PRICKLE1: variants seen among roughly 807,000 people sequenced by gnomAD.
PRICKLE1 encodes prickle-like protein 1.
In PRICKLE1, 14 loss-of-function variants were observed where a neutral mutation model predicts 70.2. The ratio of observed to expected loss-of-function variants is 0.20; its 90% CI spans 0.13 to 0.31. The LOEUF (loss-of-function observed/expected upper bound fraction) is 0.31, where lower values mean the gene tolerates loss of function less well. PRICKLE1 is among the 10% of genes least tolerant of loss of function. The probability of loss-of-function intolerance (pLI) is 1.00; values close to 1 mark genes in which losing one functional copy is unlikely to be tolerated. For synonymous variants in PRICKLE1, 357 were observed against 379.9 expected (o/e 0.94, Z 0.70); for missense variants, 821 against 1,026.2 (o/e 0.80, Z 2.73).
Position 42,531,043 on chromosome 12 carries a change from CTT to C in PRICKLE1, c.-49+58420_-49+58421del, listed in dbSNP as rs141334021. On this transcript the variant is annotated intron_variant, in intron 1 of 7. Coordinates refer to ENST00000345127, the MANE Select transcript of PRICKLE1 (RefSeq NM_153026.3). ...GCCCTATTGCTAAAGATGTTAAGGG[CTT>C]TTTTTTTTTTTTTTTTTTTTTGACG... is the stretch of plus-strand genomic sequence containing the variant. Among the ~76,000 whole-genome samples, 247 of 100,112 alleles carry C rather than the reference CTT, an allele frequency of 2.5e-3. 1 individual carries two copies. Among genetic ancestry groups the C allele is most frequent in the African/African-American group, 9.5e-3 (228 of 24,126 alleles). The allele number at this position is 100,112 out of a possible 152,430, so 65.7% of individuals were successfully genotyped here. A position where few individuals can be genotyped will look rare whatever the true frequency, so the allele number is the denominator to read the frequency against.
At position 42,529,684 on chromosome 12, in the gene PRICKLE1, C is replaced by T. The variant is rs202214204; in HGVS notation, c.-48-57120G>A. ...CCAAGGCAGGCAGATCACTTGAGACCAGGAGTTTGAGACCAGCCTGGCCAA... is the reference window on the plus strand; with the variant it reads ...CCAAGGCAGGCAGATCACTTGAGACTAGGAGTTTGAGACCAGCCTGGCCAA... On this transcript the variant is annotated intron_variant, in intron 1 of 7. Transcript: ENST00000345127. Among the ~76,000 whole-genome samples the T allele has an allele frequency of 2.0e-5, 3 of 152,170 alleles. No homozygotes were observed. The East Asian group carries it at 5.8e-4, about 30-fold the overall frequency.
intron 1 of PRICKLE1, among the ~76,000 whole-genome samples, chr12:42,492,127 G>C (rs978170851): frequency 6.6e-6 from 1 of 151,808 alleles, no homozygotes; most frequent in African/African-American, 2.4e-5. Flanking sequence ...TCAGAGACAG[G>C]GTCTTGCTCT....
At chr12:42,542,336 A>C (rs962279208) in intron 1 of PRICKLE1, among the ~76,000 whole-genome samples, 2 of 152,008 alleles carry the variant, frequency 1.3e-5, no homozygotes, top group Non-Finnish European at 2.9e-5. Flanking sequence ...TCTATATTCA[A>C]TATTCTCAAT....
intron 1 of PRICKLE1, among the ~76,000 whole-genome samples, chr12:42,491,229 A>G (rs938064355): frequency 6.6e-6 from 1 of 151,896 alleles, no homozygotes; most frequent in African/African-American, 2.4e-5. Flanking sequence ...TAGAGTATTT[A>G]AAAATATTAC....
chr12:42,468,608 G>A lies in PRICKLE1; in HGVS notation c.588+18C>T, dbSNP rs777295798. ...TAAGCTTATTTTTCCCAGTGTGAAAGGATGAACTTTTTTTTACCTCGTCAC... is the reference window on the plus strand; with the variant it reads ...TAAGCTTATTTTTCCCAGTGTGAAAAGATGAACTTTTTTTTACCTCGTCAC... On this transcript the variant is annotated intron_variant, in intron 5 of 7. Transcript: ENST00000345127. 57 of 1,611,206 alleles carry A rather than the reference G, an allele frequency of 3.5e-5. No homozygotes were observed. Among genetic ancestry groups the A allele is most frequent in the African/African-American group, 6.7e-5 (5 of 74,842 alleles).
intron 1 of PRICKLE1, among the ~76,000 whole-genome samples, chr12:42,578,372 TTCTACC>T (rs1177650232): frequency 6.6e-6 from 1 of 152,066 alleles, no homozygotes; most frequent in Non-Finnish European, 1.5e-5. Context: ...TCTCTGAAGA[TTCTACC>T]TCTATTTTTT....
intron 1 of PRICKLE1, among the ~76,000 whole-genome samples, chr12:42,572,520 A>C (rs773893335): frequency 1.3e-5 from 2 of 152,120 alleles, no homozygotes; most frequent in Non-Finnish European, 2.9e-5. Flanking sequence ...CACATTTTGA[A>C]AAACCTGAGA....
intron 3 of PRICKLE1, 36 bp downstream of exon 3, chr12:42,470,210 T>A (rs1183071432): frequency 6.9e-7 from 1 of 1,441,602 alleles, no homozygotes. Flanking sequence ...CATTTTTTCT[T>A]CTTTTTTCTA....
In PRICKLE1 at chr12:42,469,730, C is replaced by T. The variant is rs1196448198; in HGVS notation, c.247-143G>A. The T allele has an allele frequency of 2.0e-5, 20 of 996,742 alleles. 2 individuals are homozygous for T. Among genetic ancestry groups the T allele is most frequent in the South Asian group, 1.7e-4 (12 of 72,046 alleles). The allele number at this position is 996,742 out of a possible 1,614,324, so 61.7% of individuals were successfully genotyped here. A position where few individuals can be genotyped will look rare whatever the true frequency, so the allele number is the denominator to read the frequency against. On this transcript the variant is annotated intron_variant, in intron 3 of 7. Coordinates refer to ENST00000345127, the MANE Select transcript of PRICKLE1 (RefSeq NM_153026.3). ...CACCCCCACGATTTTAAAATGACACCATATCTGAATTTTACAGCCTCTCTA... is the reference window on the plus strand; with the variant it reads ...CACCCCCACGATTTTAAAATGACACTATATCTGAATTTTACAGCCTCTCTA...
At position 42,477,312 on chromosome 12, in the gene PRICKLE1, C is replaced by T. The variant is rs187679938; in HGVS notation, c.-48-4748G>A. On this transcript the variant is annotated intron_variant, in intron 1 of 7. Transcript: ENST00000345127. ...ACTTGAAGCCAGGAGGCAGAGGTTG[C>T]GGTGAGCCGAGATCACACCATTGCA... Among the ~76,000 whole-genome samples the T allele has an allele frequency of 4.4e-4, 66 of 151,240 alleles. 2 individuals are homozygous for T. Among genetic ancestry groups the T allele is most frequent in the Middle Eastern group, 6.8e-3 (2 of 292 alleles).
chr12:42,517,083 T>C (rs1566110387), intron 1 of PRICKLE1, among the ~76,000 whole-genome samples: 1 of 152,190 alleles, frequency 6.6e-6, no homozygotes, highest in Non-Finnish European at 1.5e-5. Context: ...TCAGATTGCT[T>C]CTCAACTTGC....
chr12:42,587,712 C>T (rs1158117492), intron 1 of PRICKLE1, among the ~76,000 whole-genome samples: 1 of 152,212 alleles, frequency 6.6e-6, no homozygotes, highest in Non-Finnish European at 1.5e-5. Context: ...CAAGCCTAGC[C>T]ACCAAGGCTA....
intron 1 of PRICKLE1, among the ~76,000 whole-genome samples, chr12:42,577,594 A>G (rs1940824640): frequency 6.6e-6 from 1 of 152,170 alleles, no homozygotes; most frequent in Non-Finnish European, 1.5e-5. Context: ...CCCTGAAGTT[A>G]TGGCCTCCAC....
Position 42,466,300 on chromosome 12 carries a change from C to T in PRICKLE1, c.669G>A (p.Thr223=), listed in dbSNP as rs201394996. 4.3e-6 allele frequency: 7 copies of T among 1,614,202 alleles called. No homozygotes were observed. The highest frequency in any genetic ancestry group is 3.3e-5 in the Admixed American group (2 of 60,020). ...TGATATACCTCTGTCCTCCCAGGACCGTTTCACACTCAAGGCAGCAGAAGT... is the reference window on the plus strand; with the variant it reads ...TGATATACCTCTGTCCTCCCAGGACTGTTTCACACTCAAGGCAGCAGAAGT... The part of the protein sequence containing the change: ...MKHFCCLECE[T]VLGGQRYIMK... Residue 223 remains threonine (T), a synonymous_variant, in exon 6 of 8, where the codon ACG becomes ACA. Coordinates refer to ENST00000345127, the MANE Select transcript of PRICKLE1 (RefSeq NM_153026.3).
At chr12:42,509,123 C>T (rs1593145745) in intron 1 of PRICKLE1, among the ~76,000 whole-genome samples, 1 of 152,258 alleles carries the variant, frequency 6.6e-6, no homozygotes, top group Non-Finnish European at 1.5e-5. Context: ...AGACCACAGC[C>T]GGTGATGGGC....
At chr12:42,555,673 T>TG (rs1940402611) in intron 1 of PRICKLE1, among the ~76,000 whole-genome samples, 2 of 152,292 alleles carry the variant, frequency 1.3e-5, no homozygotes, top group South Asian at 4.1e-4. Flanking sequence ...CACAAAATTT[T>TG]GAGATAGAAC....
chr12:42,466,619 T>TA (rs889534500), intron 5 of PRICKLE1, among the ~76,000 whole-genome samples: 9 of 152,142 alleles, frequency 5.9e-5, no homozygotes, highest in African/African-American at 2.2e-4. Context: ...GCTTTGACTT[T>TA]AAAAAAACAG....
chr12:42,482,771 G>A (rs1938842857), intron 1 of PRICKLE1: 1 of 152,482 alleles, frequency 6.6e-6, no homozygotes, highest in Admixed American at 6.5e-5. Flanking sequence ...GAGAAGGAAA[G>A]GATGTCACCG....
chr12:42,578,300 A>G (rs750430154), intron 1 of PRICKLE1, among the ~76,000 whole-genome samples: 10 of 152,106 alleles, frequency 6.6e-5, no homozygotes, highest in Non-Finnish European at 1.5e-4. Flanking sequence ...AAATCAGGAG[A>G]TTGTTTGAGT....
Sources: allele counts gnomAD v4.1 joint callset (sites outside exome capture counted in the v4.1 genomes callset), GRCh38; gene constraint gnomAD v4.1.1; transcripts MANE v1.5; gene names NCBI Gene and HGNC (gene_info 2026-07-23, HGNC 2026-07-21).